Variants in PPARGC1A observed in about 807,000 individuals in gnomAD.
PPARGC1A encodes PPARG coactivator 1 alpha.
PPARGC1A carries 25 observed loss-of-function variants against 88.7 expected under a neutral mutation model. The observed-to-expected ratio is 0.28, with a 90% CI of 0.21 to 0.39. The LOEUF (loss-of-function observed/expected upper bound fraction) is 0.39, where lower values mean the gene tolerates loss of function less well. Ranked by LOEUF, PPARGC1A falls within the 10% of genes least tolerant of loss-of-function variation. PPARGC1A has a pLI of 1.00. For missense variants in PPARGC1A, 880 were observed against 968.7 expected (o/e 0.91, Z 1.22); for synonymous variants, 363 against 355.6 (o/e 1.02, Z -0.24).
the PPARGC1A span, among the ~76,000 whole-genome samples, chr4:24,352,439 G>T: frequency 2.6e-5 from 4 of 152,206 alleles, no homozygotes; most frequent in African/African-American, 9.7e-5. Context: ...TAATTAGGAG[G>T]AGCTAATGAG....
At chr4:24,391,010 C>G in the PPARGC1A span, among the ~76,000 whole-genome samples, 1 of 151,804 alleles carries the variant, frequency 6.6e-6, no homozygotes, top group Admixed American at 6.6e-5. Context: ...AATCCTTTGG[C>G]GATAAAAGCT....
chr4:24,021,499 T>C, the PPARGC1A span, among the ~76,000 whole-genome samples: 1 of 152,182 alleles, frequency 6.6e-6, no homozygotes. Flanking sequence ...AAGCTCACAG[T>C]ACATATTATC....
chr4:23,850,683 A>G (rs1365906094), intron 2 of PPARGC1A, among the ~76,000 whole-genome samples: 2 of 152,184 alleles, frequency 1.3e-5, no homozygotes, highest in Non-Finnish European at 2.9e-5. Context: ...TGCACTAGGG[A>G]TACTGTCAAG....
the PPARGC1A span, among the ~76,000 whole-genome samples, chr4:24,085,144 C>A: frequency 6.6e-6 from 1 of 151,960 alleles, no homozygotes; most frequent in Non-Finnish European, 1.5e-5. Context: ...TCCCTGAGAA[C>A]AGGAAACAAC....
intron 12 of PPARGC1A, among the ~76,000 whole-genome samples, chr4:23,799,428 A>G (rs1053811906): frequency 1.3e-5 from 2 of 152,216 alleles, no homozygotes; most frequent in African/African-American, 4.8e-5. Flanking sequence ...GGTATTTTAC[A>G]AATGAAGAAG....
the PPARGC1A span, among the ~76,000 whole-genome samples, chr4:24,076,727 T>G: frequency 2.0e-5 from 3 of 152,122 alleles, no homozygotes; most frequent in Non-Finnish European, 4.4e-5. Context: ...CCCACCAGGT[T>G]GTTGCATCAG....
the PPARGC1A span, among the ~76,000 whole-genome samples, chr4:23,973,806 C>G: frequency 6.6e-6 from 1 of 151,994 alleles, no homozygotes; most frequent in Non-Finnish European, 1.5e-5. Flanking sequence ...GTAAAGGACA[C>G]TAATAACCAT....
chr4:23,828,900 C>T (rs1724502070), intron 4 of PPARGC1A, among the ~76,000 whole-genome samples: 1 of 152,142 alleles, frequency 6.6e-6, no homozygotes, highest in African/African-American at 2.4e-5. Context: ...AATCGGCTGG[C>T]TTAAACCTTA....
At chr4:23,823,895 C>T (rs1723442519) in intron 7 of PPARGC1A, among the ~76,000 whole-genome samples, 2 of 152,072 alleles carry the variant, frequency 1.3e-5, no homozygotes. Context: ...TTCAAAGCAT[C>T]TTGTTTAATG....
the PPARGC1A span, among the ~76,000 whole-genome samples, chr4:24,104,162 C>T: frequency 1.3e-5 from 2 of 152,146 alleles, no homozygotes; most frequent in Non-Finnish European, 2.9e-5. Context: ...AGTTGAGTTC[C>T]GCTAGTGAGA....
the PPARGC1A span, among the ~76,000 whole-genome samples, chr4:24,003,705 C>T: frequency 6.6e-6 from 1 of 151,936 alleles, no homozygotes; most frequent in African/African-American, 2.4e-5. Context: ...GAGAGGAAGG[C>T]AGGGATCAGC....
At chr4:24,285,217 T>C in the PPARGC1A span, among the ~76,000 whole-genome samples, 1 of 152,204 alleles carries the variant, frequency 6.6e-6, no homozygotes, top group East Asian at 1.9e-4. Flanking sequence ...TGCTGATGTC[T>C]TACTAGTCAT....
At chr4:24,055,935 G>A in the PPARGC1A span, among the ~76,000 whole-genome samples, 1 of 152,350 alleles carries the variant, frequency 6.6e-6, no homozygotes, top group South Asian at 2.1e-4. Context: ...TTGAACCAGA[G>A]AGAGCAGTGG....
the PPARGC1A span, among the ~76,000 whole-genome samples, chr4:24,100,027 T>C: frequency 0.66 from 99,273 of 150,714 alleles, 33,086 homozygotes; most frequent in African/African-American, 0.76. Flanking sequence ...ATGTAAATGA[T>C]GAGTTAATGG....
chr4:24,161,527 T>C, the PPARGC1A span, among the ~76,000 whole-genome samples: 3 of 152,052 alleles, frequency 2.0e-5, no homozygotes, highest in Non-Finnish European at 4.4e-5. Context: ...GGAAAATGGG[T>C]CTGTCGGGAT....
At chr4:24,411,345 A>G in the PPARGC1A span, among the ~76,000 whole-genome samples, 2 of 152,160 alleles carry the variant, frequency 1.3e-5, no homozygotes, top group Non-Finnish European at 2.9e-5. Flanking sequence ...CACTAACATT[A>G]TTTTTCAATA....
chr4:23,861,590 A>G (rs4697425), intron 2 of PPARGC1A, among the ~76,000 whole-genome samples: 30,869 of 152,040 alleles, frequency 0.2, 3,524 homozygotes, highest in South Asian at 0.32. Flanking sequence ...GCAGTGTTAC[A>G]TATTTACTGA....
the PPARGC1A span, among the ~76,000 whole-genome samples, chr4:24,092,165 G>GA: frequency 6.6e-6 from 1 of 152,060 alleles, no homozygotes. Flanking sequence ...TCCCATAGTT[G>GA]AATTCTGAGC....
At chr4:24,288,872 C>A in the PPARGC1A span, among the ~76,000 whole-genome samples, 1 of 152,084 alleles carries the variant, frequency 6.6e-6, no homozygotes, top group African/African-American at 2.4e-5. Context: ...TTTTAGTTAC[C>A]AATGCTTTTT....
Sources: allele counts gnomAD v4.1 joint callset (sites outside exome capture counted in the v4.1 genomes callset), GRCh38; gene constraint gnomAD v4.1.1; transcripts MANE v1.5; gene names NCBI Gene and HGNC (gene_info 2026-07-23, HGNC 2026-07-21).